GNB1: variants seen among roughly 807,000 people sequenced by gnomAD.
The protein encoded by GNB1 is G protein subunit beta 1, also known as guanine nucleotide-binding protein G(I)/G(S)/G(T) subunit beta-1.
In GNB1, 2 loss-of-function variants were observed where a neutral mutation model predicts 42.9. The ratio of observed to expected loss-of-function variants is 0.05; its 90% confidence interval spans 0.02 to 0.15. The LOEUF (loss-of-function observed/expected upper bound fraction) is 0.15, where lower values mean the gene tolerates loss of function less well. Ranked by LOEUF, GNB1 falls within the 10% of genes least tolerant of loss-of-function variation. GNB1 has a pLI of 1.00. For synonymous variants in GNB1, 183 were observed against 174.7 expected (o/e 1.05, Z -0.38); for missense variants, 193 against 462.2 (o/e 0.42, Z 5.34).
intron 1 of GNB1, among the ~76,000 whole-genome samples, chr1:1,881,064 A>T (rs1459917204): frequency 6.6e-6 from 1 of 152,144 alleles, no homozygotes; most frequent in African/African-American, 2.4e-5. Flanking sequence ...GACAGGGAGG[A>T]GAAAGTATAA....
intron 5 of GNB1, among the ~76,000 whole-genome samples, chr1:1,808,392 G>T (rs986443298): frequency 3.9e-5 from 6 of 152,106 alleles, no homozygotes; most frequent in Admixed American, 3.9e-4. Context: ...ATACTACAAA[G>T]GAGAATATGA....
intron 5 of GNB1, among the ~76,000 whole-genome samples, chr1:1,806,964 ACT>A (rs1390246991): frequency 3.3e-5 from 5 of 151,990 alleles, no homozygotes; most frequent in South Asian, 2.1e-4. Flanking sequence ...ACAGAGTGAG[ACT>A]CTGTTTCAAG....
At chr1:1,812,087 C>A in intron 5 of GNB1, among the ~76,000 whole-genome samples, 1 of 151,022 alleles carries the variant, frequency 6.6e-6, no homozygotes, top group Non-Finnish European at 1.5e-5. Flanking sequence ...CCCAAAAAAA[C>A]TGGTATTCAT....
intron 6 of GNB1, 137 bp from the exon 7 acceptor site, chr1:1,804,718 T>A (rs1176348720): frequency 1.6e-5 from 10 of 640,268 alleles, no homozygotes; most frequent in Non-Finnish European, 2.7e-5. Context: ...TAGAGAGCGA[T>A]TCCCATATGT....
intron 1 of GNB1, among the ~76,000 whole-genome samples, chr1:1,855,656 A>G (rs956187272): frequency 6.6e-6 from 1 of 151,424 alleles, no homozygotes; most frequent in Non-Finnish European, 1.5e-5. Context: ...CAGTGAGCCG[A>G]GATCGCGCCA....
intron 6 of GNB1, among the ~76,000 whole-genome samples, chr1:1,805,000 A>G (rs1313256681): frequency 6.6e-6 from 1 of 151,850 alleles, no homozygotes; most frequent in Non-Finnish European, 1.5e-5. Flanking sequence ...TGTCTCTACT[A>G]AATATACCAA....
At chr1:1,807,494 C>CAAAAAAAAA (rs1646717519) in intron 5 of GNB1, among the ~76,000 whole-genome samples, 1 of 71,706 alleles carries the variant, frequency 1.4e-5, no homozygotes, top group African/African-American at 5.6e-5. Flanking sequence ...AAAAAAAAAA[C>CAAAAAAAAA]AAACAGAAAG....
intron 1 of GNB1, among the ~76,000 whole-genome samples, chr1:1,866,260 A>T (rs1287569085): frequency 6.6e-6 from 1 of 152,222 alleles, no homozygotes; most frequent in African/African-American, 2.4e-5. Context: ...ATCTTAAAAC[A>T]GTATGTTCCT....
At chr1:1,806,678 G>C (rs1646699296) in intron 5 of GNB1, 140 bp from the exon 6 acceptor site, 1 of 537,680 alleles carries the variant, frequency 1.9e-6, no homozygotes, top group African/African-American at 1.9e-5. Context: ...TTATTTATAA[G>C]AAAAAAAATC....
rs997258730 is a variant in GNB1, at chr1:1,811,612, T to C, written c.203+4144A>G. Among the ~76,000 whole-genome samples the C allele has an allele frequency of 1.8e-4, 26 of 142,612 alleles. No individual in the cohort carries two copies. In the East Asian group the frequency reaches 2.3e-3, roughly 12 times the overall value. The allele number at this position is 142,612 out of a possible 152,430, so 93.6% of individuals were successfully genotyped here. A position where few individuals can be genotyped will look rare whatever the true frequency, so the allele number is the denominator to read the frequency against. On this transcript the variant is annotated intron_variant, in intron 5 of 11. Transcript: ENST00000378609. ...TCGGGAGGCTGAGGCAGGAGAATGG[T>C]GTTAACCTGGGAGGCAGAGCTTGCA...
intron 2 of GNB1, among the ~76,000 whole-genome samples, chr1:1,827,742 G>A (rs1647019006): frequency 1.3e-5 from 2 of 152,236 alleles, no homozygotes; most frequent in South Asian, 2.1e-4. Flanking sequence ...ATTATATTAT[G>A]CACACAATTT....
chr1:1,819,648 C>T (rs1451500285), intron 3 of GNB1, among the ~76,000 whole-genome samples: 3 of 152,052 alleles, frequency 2.0e-5, no homozygotes, highest in South Asian at 4.1e-4. Flanking sequence ...AGGTGACCCT[C>T]CCACGTCAGC....
chr1:1,792,809 T>C (rs1646499560), intron 8 of GNB1, among the ~76,000 whole-genome samples: 1 of 152,110 alleles, frequency 6.6e-6, no homozygotes, highest in African/African-American at 2.4e-5. Context: ...CTCACGCCTG[T>C]AATCCCAGCA....
intron 1 of GNB1, among the ~76,000 whole-genome samples, chr1:1,852,130 C>G (rs1400492050): frequency 6.7e-6 from 1 of 149,518 alleles, no homozygotes; most frequent in Non-Finnish European, 1.5e-5. Context: ...AGATGCCAAA[C>G]GTTAGGAGCC....
intron 1 of GNB1, among the ~76,000 whole-genome samples, chr1:1,884,356 C>T (rs1382270527): frequency 1.3e-5 from 2 of 152,010 alleles, no homozygotes; most frequent in Admixed American, 6.6e-5. Context: ...GAATTACAGG[C>T]GTGAGCCACC....
At chr1:1,875,282 CTCCAGT>C (rs1164518198) in intron 1 of GNB1, among the ~76,000 whole-genome samples, 2 of 151,924 alleles carry the variant, frequency 1.3e-5, no homozygotes, top group Non-Finnish European at 2.9e-5. Flanking sequence ...ACCTCAACCT[CTCCAGT>C]TCAAGTGATT....
intron 7 of GNB1, among the ~76,000 whole-genome samples, chr1:1,802,434 A>C (rs576201625): frequency 1.3e-5 from 2 of 152,186 alleles, no homozygotes; most frequent in Non-Finnish European, 2.9e-5. Context: ...TCAAATAAGC[A>C]CTCACAAGGA....
chr1:1,811,988 C>A (rs1418350627), intron 5 of GNB1, among the ~76,000 whole-genome samples: 1 of 151,798 alleles, frequency 6.6e-6, no homozygotes, highest in African/African-American at 2.4e-5. Context: ...ATGGCGTGAA[C>A]CTGGGAGGCA....
chr1:1,868,380 T>C (rs1355235378), intron 1 of GNB1, among the ~76,000 whole-genome samples: 2 of 152,084 alleles, frequency 1.3e-5, no homozygotes, highest in African/African-American at 4.8e-5. Context: ...TTTTACCATG[T>C]TGGCCAGGCT....
Sources: allele counts gnomAD v4.1 joint callset (sites outside exome capture counted in the v4.1 genomes callset), GRCh38; gene constraint gnomAD v4.1.1; transcripts MANE v1.5; gene names NCBI Gene and HGNC (gene_info 2026-07-23, HGNC 2026-07-21).